The following SLC38A3 variants were observed in gnomAD, a reference collection of about 807,000 sequenced individuals.
The protein encoded by SLC38A3 is sodium-coupled neutral amino acid transporter 3.
SLC38A3 carries 17 observed loss-of-function variants against 59.5 expected under a neutral mutation model. The observed-to-expected ratio is 0.29, with a 90% CI of 0.20 to 0.43. SLC38A3 has a LOEUF of 0.43. Among genes scored for constraint, SLC38A3 ranks in the 20% least tolerant of loss-of-function variants. The probability of loss-of-function intolerance (pLI) is 1.00; values close to 1 mark genes in which losing one functional copy is unlikely to be tolerated. For missense variants in SLC38A3, 454 were observed against 653.9 expected (o/e 0.69, Z 3.33); for synonymous variants, 238 against 260.3 (o/e 0.91, Z 0.82).
In SLC38A3 at chr3:50,214,790, T is replaced by G. The variant is rs780758291; in HGVS notation, c.299+22T>G. 6.7e-7 allele frequency: 1 copy of G among 1,500,902 alleles called. No homozygotes were observed. Among genetic ancestry groups the G allele is most frequent in the South Asian group, 1.2e-5 (1 of 85,048 alleles). The allele number at this position is 1,500,902 out of a possible 1,614,324, so 93.0% of individuals were successfully genotyped here. On this transcript the variant is annotated intron_variant, in intron 4 of 15. Coordinates refer to ENST00000614032, the MANE Select transcript of SLC38A3 (RefSeq NM_006841.6). The surrounding 1 kb of genome is among the most constrained non-coding windows in gnomAD (Gnocchi z 6.0). ...TCCTGTGAGTGCCCTCAGAGAAACT[T>G]CTAAAGATAGGGGCCCTAAGCAAGC...
chr3:50,206,716 G>A (rs1699652294), intron 1 of SLC38A3, among the ~76,000 whole-genome samples: 1 of 152,240 alleles, frequency 6.6e-6, no homozygotes, highest in Admixed American at 6.5e-5. Context: ...GGAGCAGGGG[G>A]CTGAATCTCT....
chr3:50,215,828 C>G lies in SLC38A3; in HGVS notation c.548+7C>G. 1 of 1,328,428 alleles carries G rather than the reference C, an allele frequency of 7.5e-7. No individual in the cohort carries two copies. Among genetic ancestry groups the G allele is most frequent in the Non-Finnish European group, 9.9e-7 (1 of 1,008,078 alleles). 82.3% of individuals were successfully genotyped at this position (1,328,428 alleles called of 1,614,324 possible). On this transcript the variant is annotated splice_region_variant and intron_variant, in intron 7 of 15. Coordinates refer to ENST00000614032, the MANE Select transcript of SLC38A3 (RefSeq NM_006841.6). This position sits in a 1 kb window ranked among gnomAD's most constrained non-coding sequence, Gnocchi z 7.1. The stretch of plus-strand genomic sequence containing the variant: ...ACCTGGAGGAGAAAACCTCGTGAGC[C>G]CTGGCGTGGGGAGGGGAGGGGAGGG...
Position 50,215,725 on chromosome 3 carries a change from C to A in SLC38A3, c.467-15C>A. The A allele has an allele frequency of 6.2e-7, 1 of 1,604,804 alleles. No individual in the cohort carries two copies. The highest frequency in any genetic ancestry group is 1.1e-5 in the South Asian group (1 of 89,894). On this transcript the variant is annotated splice_polypyrimidine_tract_variant and intron_variant, in intron 6 of 15. Coordinates refer to ENST00000614032, the MANE Select transcript of SLC38A3 (RefSeq NM_006841.6). The surrounding 1 kb of genome is among the most constrained non-coding windows in gnomAD (Gnocchi z 7.1). ...GCTGACCTCAGCGCCTGCCTGCCCG[C>A]CCCTCTCCCCACAGCCATGTCCAGC...
Position 50,217,715 on chromosome 3 carries a change from C to T in SLC38A3, c.730C>T (p.Pro244Ser). 2.5e-6 allele frequency: 4 copies of T among 1,613,940 alleles called. No individual in the cohort carries two copies. Among genetic ancestry groups the T allele is most frequent in the Non-Finnish European group, 2.5e-6 (3 of 1,179,884 alleles). The change falls in exon 10 of 16, where the codon CCC becomes TCC. Residue 244 changes from proline to serine, a missense_variant. This residue lies in a region of SLC38A3 where 390 missense variants were observed against 557.9 expected (regional missense o/e 0.70). Coordinates refer to ENST00000614032, the MANE Select transcript of SLC38A3 (RefSeq NM_006841.6). This position sits in a 1 kb window ranked among gnomAD's most constrained non-coding sequence, Gnocchi z 4.9. ...KKFHVPCPLP[P>S]NFNNTTGNFS... ...GTTCCACGTGCCCTGCCCACTGCCC[C>T]CCAACTTCAACAACACCACAGGCAA...
chr3:50,219,878 C>T lies in SLC38A3; in HGVS notation c.1307-3C>T. Reference sequence around the variant, plus strand: ...AGCAGTGGCCATGTCTTGTTCTTTGCAGGTGCCACATCTGCCCCATTCCTC... The same window carrying T: ...AGCAGTGGCCATGTCTTGTTCTTTGTAGGTGCCACATCTGCCCCATTCCTC... On this transcript the variant is annotated splice_region_variant and splice_polypyrimidine_tract_variant and intron_variant, in intron 14 of 15. Transcript: ENST00000614032. 6.2e-7 allele frequency: 1 copy of T among 1,609,630 alleles called. No individual in the cohort carries two copies. Among genetic ancestry groups the T allele is most frequent in the Non-Finnish European group, 8.5e-7 (1 of 1,177,744 alleles).
intron 1 of SLC38A3, among the ~76,000 whole-genome samples, chr3:50,211,123 G>A (rs1024612702): frequency 1.3e-5 from 2 of 152,212 alleles, no homozygotes; most frequent in African/African-American, 4.8e-5. Flanking sequence ...AGGGGATCAG[G>A]CTCTGCTGGC....
In SLC38A3 at chr3:50,214,243, A is replaced by G; in HGVS notation, c.44A>G (p.Asn15Ser). Residue 15 changes from asparagine (N) to serine (S), a missense_variant, in exon 2 of 16, where the codon AAT becomes AGT. Physicochemically the swap from Asn to Ser is conservative, Grantham distance 46. Around this residue, in one of 3 missense-constraint regions of SLC38A3, gnomAD observed 390 missense variants for 557.9 expected, o/e 0.70. Coordinates refer to ENST00000614032, the MANE Select transcript of SLC38A3 (RefSeq NM_006841.6). The surrounding 1 kb of genome is among the most constrained non-coding windows in gnomAD (Gnocchi z 6.0). ...ACAGAGATGGTGGAGCTGGTGCCCA[A>G]TGGCAAACACTCAGAGGGGCTGCTC... ...LQTEMVELVP[N>S]GKHSEGLLPV... is the part of the protein sequence containing the mutation. The G allele has an allele frequency of 3.1e-6, 5 of 1,613,918 alleles. No homozygotes were observed. The highest frequency in any genetic ancestry group is 2.2e-5 in the East Asian group (1 of 44,884).
chr3:50,207,307 TA>T (rs1167435227), intron 1 of SLC38A3: 1 of 152,170 alleles, frequency 6.6e-6, no homozygotes, highest in African/African-American at 2.4e-5. Context: ...TCCATTCGTT[TA>T]TTTTTTTTAT....
Position 50,220,099 on chromosome 3 carries a change from C to T in SLC38A3, c.1437C>T (p.Phe479=). The T allele has an allele frequency of 6.2e-7, 1 of 1,607,306 alleles. No individual in the cohort carries two copies. Among genetic ancestry groups the T allele is most frequent in the Non-Finnish European group, 8.5e-7 (1 of 1,176,458 alleles). ...ILALCFAMLG[F]LLMTMSLSFI... ...CCCTGTGTTTTGCTATGCTTGGCTT[C>T]TTGCTGATGACCATGAGCTTGAGCT... The change falls in exon 16 of 16, where the codon TTC becomes TTT. Residue 479 remains phenylalanine (F), a synonymous_variant. Transcript: ENST00000614032.
Position 50,218,499 on chromosome 3 carries a change from A to T in SLC38A3, c.1037-94A>T. ...CTTGCCGCTGTGGAGGTGAGTCTGC[A>T]TGCCAATCCCCACAGTGTTGGGGTC... On this transcript the variant is annotated intron_variant, in intron 12 of 15. Coordinates refer to ENST00000614032, the MANE Select transcript of SLC38A3 (RefSeq NM_006841.6). The surrounding 1 kb of genome is among the most constrained non-coding windows in gnomAD (Gnocchi z 5.8). 6.3e-7 allele frequency: 1 copy of T among 1,584,164 alleles called. No homozygotes were observed. The highest frequency in any genetic ancestry group is 8.6e-7 in the Non-Finnish European group (1 of 1,161,378).
rs1699810604 is a variant in SLC38A3 at position 50,215,849 on chromosome 3, G to A, written c.548+28G>A. On this transcript the variant is annotated intron_variant, in intron 7 of 15. Coordinates refer to ENST00000614032, the MANE Select transcript of SLC38A3 (RefSeq NM_006841.6). This position sits in a 1 kb window ranked among gnomAD's most constrained non-coding sequence, Gnocchi z 7.1. ...GAGCCCTGGCGTGGGGAGGGGAGGG[G>A]AGGGGTGCGGTGCAGTGAGGAGGGG... The A allele has an allele frequency of 5.6e-6, 7 of 1,256,818 alleles. No individual in the cohort carries two copies. The highest frequency in any genetic ancestry group is 6.8e-6 in the Non-Finnish European group (6 of 882,072). The allele number at this position is 1,256,818 out of a possible 1,614,324, so 77.9% of individuals were successfully genotyped here. A position where few individuals can be genotyped will look rare whatever the true frequency, so the allele number is the denominator to read the frequency against.
Position 50,218,859 on chromosome 3 carries a change from G to A in SLC38A3, c.1217G>A (p.Arg406Gln), listed in dbSNP as rs770578055. Reference sequence around the variant, plus strand: ...CCAAACCAGGAGTTCAGCTGGCTGCGGCATGTGCTTATTGCCGTTGGCCTG... The same window carrying A: ...CCAAACCAGGAGTTCAGCTGGCTGCAGCATGTGCTTATTGCCGTTGGCCTG... Reference protein sequence around the residue: ...LFPNQEFSWLRHVLIAVGLLT... With the variant: ...LFPNQEFSWLQHVLIAVGLLT... The change falls in exon 14 of 16, where the codon CGG becomes CAG. Residue 406 changes from arginine to glutamine, a missense_variant. Coordinates refer to ENST00000614032, the MANE Select transcript of SLC38A3 (RefSeq NM_006841.6). The surrounding 1 kb of genome is among the most constrained non-coding windows in gnomAD (Gnocchi z 5.8). The A allele has an allele frequency of 2.2e-5, 35 of 1,613,456 alleles. 1 individual carries two copies. The highest frequency in any genetic ancestry group is 1.8e-4 in the South Asian group (16 of 91,072).
rs1398891587 is a variant in SLC38A3, at chr3:50,215,123, CAAG to C, written c.300-261_300-259del. 3 of 573,132 alleles carry C rather than the reference CAAG, an allele frequency of 5.2e-6. No homozygotes were observed. Among genetic ancestry groups the C allele is most frequent in the Non-Finnish European group, 9.4e-6 (3 of 320,740 alleles). 35.5% of individuals were successfully genotyped at this position (573,132 alleles called of 1,614,324 possible). A position where few individuals can be genotyped will look rare whatever the true frequency, so the allele number is the denominator to read the frequency against. On this transcript the variant is annotated intron_variant, in intron 4 of 15. Transcript: ENST00000614032. This position sits in a 1 kb window ranked among gnomAD's most constrained non-coding sequence, Gnocchi z 7.1. ...GGAAAACATGTTTGTTTCAAGGACTCAAGAGGAGGACGTGCTCAGAGGGCAGTC... is the reference window on the plus strand; with the variant it reads ...GGAAAACATGTTTGTTTCAAGGACTCAGGAGGACGTGCTCAGAGGGCAGTC...
rs775760572 is a variant in SLC38A3 at position 50,217,862 on chromosome 3, G to A, written c.855+22G>A. On this transcript the variant is annotated intron_variant, in intron 10 of 15. Coordinates refer to ENST00000614032, the MANE Select transcript of SLC38A3 (RefSeq NM_006841.6). This position sits in a 1 kb window ranked among gnomAD's most constrained non-coding sequence, Gnocchi z 4.9. ...ACAGGTTCTGACAGGTCAGGGCAAG[G>A]CGGGGGCCCAATGAGAGTGGCAGAC... is the stretch of plus-strand genomic sequence containing the variant. 2 of 1,614,040 alleles carry A rather than the reference G, an allele frequency of 1.2e-6. No homozygotes were observed. The highest frequency in any genetic ancestry group is 2.2e-5 in the South Asian group (2 of 91,084).
In SLC38A3 at chr3:50,205,849, A is replaced by G. The variant is rs145281230; in HGVS notation, c.-52+501A>G. 7.5e-3 allele frequency among the ~76,000 whole-genome samples: 1,149 copies of G among 152,330 alleles called. 7 individuals carry two copies. Among genetic ancestry groups the G allele is most frequent in the South Asian group, 0.015 (74 of 4,834 alleles). ...GCACGATGGGAATCCGGGTATATTT[A>G]TCTCGGCTGCTCCGGACAAGGGCTT... On this transcript the variant is annotated intron_variant, in intron 1 of 15. Transcript: ENST00000614032.
chr3:50,214,613 G>A lies in SLC38A3; in HGVS notation c.184-40G>A. 1 of 1,517,572 alleles carries A rather than the reference G, an allele frequency of 6.6e-7. No homozygotes were observed. The highest frequency in any genetic ancestry group is 9.1e-7 in the Non-Finnish European group (1 of 1,103,812). The allele number at this position is 1,517,572 out of a possible 1,614,324, so 94.0% of individuals were successfully genotyped here. A position where few individuals can be genotyped will look rare whatever the true frequency, so the allele number is the denominator to read the frequency against. The stretch of plus-strand genomic sequence containing the variant: ...GGCTGCGATGCCCCTGTCCCTTGCT[G>A]ACTCCTCCCACCCTCCCCGTCCCAT... On this transcript the variant is annotated intron_variant, in intron 3 of 15. Transcript: ENST00000614032. The surrounding 1 kb of genome is among the most constrained non-coding windows in gnomAD (Gnocchi z 6.0).
At chr3:50,207,775 G>C (rs969474540) in intron 1 of SLC38A3, 3 of 152,548 alleles carry the variant, frequency 2.0e-5, no homozygotes, top group East Asian at 1.9e-4. Flanking sequence ...GGGGGCCAAA[G>C]GGAAGGACCA....
rs113482440 is a variant in SLC38A3, at chr3:50,209,648, C to CAAAAAAAAAAAAAAAAAAAAAAAA, written c.-52+4312_-52+4313insAAAAAAAAAAAAAAAAAAAAAAAA. Reference sequence around the variant, plus strand: ...TGGGTGACAGAGCAAGACTCCGTCTCAAAAAAAAAAAACAAGAAAAAAAAA... The same window carrying CAAAAAAAAAAAAAAAAAAAAAAAA: ...TGGGTGACAGAGCAAGACTCCGTCTCAAAAAAAAAAAAAAAAAAAAAAAAAAAAAAAAAAAACAAGAAAAAAAAA... On this transcript the variant is annotated intron_variant, in intron 1 of 15. Coordinates refer to ENST00000614032, the MANE Select transcript of SLC38A3 (RefSeq NM_006841.6). Among the ~76,000 whole-genome samples the CAAAAAAAAAAAAAAAAAAAAAAAA allele has an allele frequency of 9.3e-4, 107 of 114,874 alleles. 2 individuals are homozygous for CAAAAAAAAAAAAAAAAAAAAAAAA. Among genetic ancestry groups the CAAAAAAAAAAAAAAAAAAAAAAAA allele is most frequent in the African/African-American group, 3.3e-3 (102 of 30,610 alleles). 75.4% of individuals were successfully genotyped at this position (114,874 alleles called of 152,430 possible).
At chr3:50,213,306 G>A (rs1699759701) in intron 1 of SLC38A3, among the ~76,000 whole-genome samples, 1 of 152,144 alleles carries the variant, frequency 6.6e-6, no homozygotes, top group Admixed American at 6.5e-5. Context: ...CCTGAGGGTT[G>A]GGGGTTCCCT....
Sources: allele counts gnomAD v4.1 joint callset (sites outside exome capture counted in the v4.1 genomes callset), GRCh38; gene constraint gnomAD v4.1.1; regional missense constraint gnomAD v4.1.1; non-coding constraint Gnocchi (gnomAD v3.1); transcripts MANE v1.5; gene names NCBI Gene and HGNC (gene_info 2026-07-23, HGNC 2026-07-21).